The following ATG16L1 variants were observed in gnomAD, a reference collection of about 807,000 sequenced individuals.
ATG16L1 encodes autophagy related 16 like 1.
In ATG16L1, 37 loss-of-function variants were observed where a neutral mutation model predicts 88.5. That is an observed-to-expected ratio of 0.42 (90% confidence interval 0.32 to 0.55). ATG16L1 has a LOEUF of 0.55. Ranked by LOEUF, ATG16L1 falls within the 20% of genes least tolerant of loss-of-function variation. The probability of loss-of-function intolerance (pLI) is 0.13; values close to 1 mark genes in which losing one functional copy is unlikely to be tolerated. For synonymous variants in ATG16L1, 301 were observed against 281.0 expected (o/e 1.07, Z -0.71); for missense variants, 554 against 752.8 (o/e 0.74, Z 3.09).
intron 1 of ATG16L1, among the ~76,000 whole-genome samples, chr2:233,255,829 T>A (rs1195591840): frequency 6.6e-6 from 1 of 152,064 alleles, no homozygotes; most frequent in Non-Finnish European, 1.5e-5. Flanking sequence ...TTCTCCTGTC[T>A]TACTTAAAGG....
rs1406128060 is a variant in ATG16L1, at chr2:233,292,196, G to T, written c.1499G>T (p.Arg500Met). The change falls in exon 15 of 18, where the codon AGG (arginine) becomes ATG (methionine). Residue 500 changes from arginine (R) to methionine (M), a missense_variant. Physicochemically the swap from Arg to Met is moderately conservative, Grantham distance 91. Around this residue, in one of 5 missense-constraint regions of ATG16L1, gnomAD observed 370 missense variants for 509.7 expected, o/e 0.73. Transcript: ENST00000392017. ...ACTGCCCTGGACTTAAACCCAGAAAGGACTGAGCTCCTGAGCTGCTCCCGT... is the reference window on the plus strand; with the variant it reads ...ACTGCCCTGGACTTAAACCCAGAAATGACTGAGCTCCTGAGCTGCTCCCGT... The part of the protein sequence containing the change: ...KITALDLNPE[R>M]TELLSCSRDD... 23 of 1,614,124 alleles carry T rather than the reference G, an allele frequency of 1.4e-5. No individual in the cohort carries two copies. The highest frequency in any genetic ancestry group is 1.9e-5 in the Non-Finnish European group (23 of 1,180,052).
intron 5 of ATG16L1, among the ~76,000 whole-genome samples, chr2:233,267,569 A>T (rs1266173900): frequency 6.6e-6 from 1 of 152,104 alleles, no homozygotes; most frequent in Admixed American, 6.5e-5. Context: ...TGTATTTTCT[A>T]ATTTTCCGGT....
chr2:233,280,181 A>T (rs1698629531), intron 10 of ATG16L1, among the ~76,000 whole-genome samples: 1 of 152,204 alleles, frequency 6.6e-6, no homozygotes, highest in South Asian at 2.1e-4. Context: ...GGCTCCAATC[A>T]TTATTTTTAC....
Position 233,281,231 on chromosome 2 carries a change from G to A in ATG16L1, c.1131+56G>A, listed in dbSNP as rs529825232. 3.5e-4 allele frequency: 458 copies of A among 1,317,986 alleles called. 2 individuals carry two copies. Among genetic ancestry groups the A allele is most frequent in the Non-Finnish European group, 1.4e-4 (136 of 956,688 alleles). 81.6% of individuals were successfully genotyped at this position (1,317,986 alleles called of 1,614,324 possible). On this transcript the variant is annotated intron_variant, in intron 11 of 17. Coordinates refer to ENST00000392017, the MANE Select transcript of ATG16L1 (RefSeq NM_030803.7). ...TTTTTAGAAATAATTTAAGACATTAGGTTCTTGAAATTATAACATAACTTA... is the reference window on the plus strand; with the variant it reads ...TTTTTAGAAATAATTTAAGACATTAAGTTCTTGAAATTATAACATAACTTA...
rs1699704364 is a variant in ATG16L1 at position 233,294,844 on chromosome 2, T to TC, written c.*497dup. 6.5e-6 allele frequency: 1 copy of TC among 152,922 alleles called. No individual in the cohort carries two copies. 9.5% of individuals were successfully genotyped at this position (152,922 alleles called of 1,614,324 possible). ...CGGAAACTCCCGAACTACAGACCCCTCCCTGGTGGGTTGCATGAATGTGTC... is the reference window on the plus strand; with the variant it reads ...CGGAAACTCCCGAACTACAGACCCCTCCCCTGGTGGGTTGCATGAATGTGTC... On this transcript the variant is annotated 3_prime_UTR_variant, in exon 18 of 18. Coordinates refer to ENST00000392017, the MANE Select transcript of ATG16L1 (RefSeq NM_030803.7).
At chr2:233,252,063 G>T (rs1460660366) in intron 1 of ATG16L1, 121 bp downstream of exon 1, 2 of 773,760 alleles carry the variant, frequency 2.6e-6, no homozygotes, top group Non-Finnish European at 3.8e-6. Flanking sequence ...GGCCGCCCCG[G>T]GTAACCCGCG....
chr2:233,286,410 GTGT>G (rs1459403881), intron 12 of ATG16L1, among the ~76,000 whole-genome samples: 8 of 152,034 alleles, frequency 5.3e-5, no homozygotes, highest in African/African-American at 1.9e-4. Context: ...AAACCTAAAA[GTGT>G]TGTTAATCAT....
At chr2:233,270,592 T>G (rs746402643) in intron 6 of ATG16L1, among the ~76,000 whole-genome samples, 13 of 152,228 alleles carry the variant, frequency 8.5e-5, no homozygotes, top group Non-Finnish European at 1.5e-4. Flanking sequence ...TTCTGCCTCT[T>G]AATTGTGCCT....
intron 12 of ATG16L1, among the ~76,000 whole-genome samples, chr2:233,286,551 C>G (rs560623333): frequency 6.6e-6 from 1 of 150,806 alleles, no homozygotes; most frequent in African/African-American, 2.4e-5. Flanking sequence ...TTGGAAGCAC[C>G]GAGACAGTGA....
At chr2:233,277,507 G>A (rs1698453271) in intron 9 of ATG16L1, 61 bp from the exon 10 acceptor site, 30 of 1,478,796 alleles carry the variant, frequency 2.0e-5, no homozygotes, top group South Asian at 1.7e-4. Context: ...TGGAGTGTTC[G>A]CGCATCTTGA....
At position 233,281,147 on chromosome 2, in the gene ATG16L1, G is replaced by T; in HGVS notation, c.1103G>T (p.Gly368Val). The T allele has an allele frequency of 6.2e-7, 1 of 1,603,740 alleles. No homozygotes were observed. The change falls in exon 11 of 18, where the codon GGA becomes GTA. Residue 368 changes from glycine to valine, a missense_variant. Around this residue, in one of 5 missense-constraint regions of ATG16L1, gnomAD observed 370 missense variants for 509.7 expected, o/e 0.73. Transcript: ENST00000392017. ...GGTTCCCTATCTGGCAGTAATGCAG[G>T]AATTACAAGCATTGAATTTGATAGT... ...FKGSLSGSNA[G>V]ITSIEFDSAG... is the part of the protein sequence containing the mutation.
At position 233,267,489 on chromosome 2, in the gene ATG16L1, G is replaced by A. The variant is rs569491553; in HGVS notation, c.641+2346G>A. Among the ~76,000 whole-genome samples the A allele has an allele frequency of 7.2e-5, 11 of 152,306 alleles. No individual in the cohort carries two copies. The East Asian group carries it at 1.9e-3, about 27-fold the overall frequency. ...AAAAAATGACTGGAAGGAATTATAT[G>A]TACTGTTACTGGTGTTTATTTTTGG... On this transcript the variant is annotated intron_variant, in intron 5 of 17. Coordinates refer to ENST00000392017, the MANE Select transcript of ATG16L1 (RefSeq NM_030803.7).
rs112251768 is a variant in ATG16L1 at position 233,269,914 on chromosome 2, T to C, written c.642-88T>C. On this transcript the variant is annotated intron_variant, in intron 5 of 17. Coordinates refer to ENST00000392017, the MANE Select transcript of ATG16L1 (RefSeq NM_030803.7). ...TATTTTACATGCACTGAATGTGTTA[T>C]TAGAACTGGTGGCTTCTAGAGAGCC... 1,917 of 1,343,066 alleles carry C rather than the reference T, an allele frequency of 1.4e-3. 33 individuals are homozygous for C. In the African/African-American group the frequency reaches 0.026, roughly 18 times the overall value. The allele number at this position is 1,343,066 out of a possible 1,614,324, so 83.2% of individuals were successfully genotyped here. A position where few individuals can be genotyped will look rare whatever the true frequency, so the allele number is the denominator to read the frequency against.
At chr2:233,252,859 T>A (rs575670735) in intron 1 of ATG16L1, among the ~76,000 whole-genome samples, 2 of 152,360 alleles carry the variant, frequency 1.3e-5, no homozygotes, top group South Asian at 4.1e-4. Flanking sequence ...TGGTTCCATC[T>A]GCGTCTGAAA....
At chr2:233,259,055 C>T (rs764616373) in intron 2 of ATG16L1, among the ~76,000 whole-genome samples, 5 of 152,246 alleles carry the variant, frequency 3.3e-5, no homozygotes, top group Non-Finnish European at 7.3e-5. Context: ...AGCCCACACA[C>T]AGCAAGTTAA....
chr2:233,289,014 C>T, intron 12 of ATG16L1: 1 of 449,436 alleles, frequency 2.2e-6, no homozygotes, highest in Non-Finnish European at 4.5e-6. Context: ...TAAATTATGC[C>T]TGTGGTGACC....
intron 11 of ATG16L1, among the ~76,000 whole-genome samples, chr2:233,281,549 T>C (rs1277456673): frequency 6.6e-6 from 1 of 152,090 alleles, no homozygotes; most frequent in Admixed American, 6.6e-5. Context: ...GAGTTATGGC[T>C]GAGATGTGTG....
chr2:233,282,144 T>G (rs1049120022), intron 11 of ATG16L1, among the ~76,000 whole-genome samples: 1 of 152,192 alleles, frequency 6.6e-6, no homozygotes, highest in Non-Finnish European at 1.5e-5. Context: ...GGTATGGTGT[T>G]AAGTTGTGGT....
intron 5 of ATG16L1, among the ~76,000 whole-genome samples, chr2:233,268,674 A>G (rs2125236587): frequency 6.6e-6 from 1 of 152,302 alleles, no homozygotes; most frequent in Middle Eastern, 3.4e-3. Context: ...TTTTCCTCAA[A>G]GAGAGTTAGT....
Sources: gnomAD v4.1 joint callset for allele counts (sites outside exome capture counted in the v4.1 genomes callset) on GRCh38, gnomAD v4.1.1 for gene constraint, gnomAD v4.1.1 regional missense constraint, MANE v1.5 for transcripts, NCBI Gene and HGNC (gene_info 2026-07-23, HGNC 2026-07-21) for gene names.